The following CLPB variants were observed in gnomAD, a reference collection of about 807,000 sequenced individuals.
CLPB encodes mitochondrial disaggregase.
In CLPB, 40 loss-of-function variants were observed where a neutral mutation model predicts 78.4. That is an observed-to-expected ratio of 0.51 (90% CI 0.40 to 0.66). The LOEUF is 0.66. Among genes scored for constraint, CLPB ranks in the 30% least tolerant of loss-of-function variants. The pLI is 0.00. For missense variants in CLPB, 780 were observed against 886.9 expected, an observed-to-expected ratio of 0.88 and a Z score of 1.53; for synonymous variants, 333 against 348.0, an observed-to-expected ratio of 0.96 and a Z score of 0.48.
rs149561316 is a variant in CLPB at position 72,403,099 on chromosome 11, C to T, written c.456-47G>A. 3.1e-3 allele frequency: 4,805 copies of T among 1,530,060 alleles called. 41 individuals carry two copies. The highest frequency in any genetic ancestry group is 9.6e-3 in the South Asian group (846 of 88,062). The allele number at this position is 1,530,060 out of a possible 1,614,324, so 94.8% of individuals were successfully genotyped here. A position where few individuals can be genotyped will look rare whatever the true frequency, so the allele number is the denominator to read the frequency against. ...TTTTCAGTGTATGGCTTGACATCTG[C>T]ACCTTCTGACAACAGCCTAAAACAA... On this transcript the variant is annotated intron_variant, in intron 2 of 15. Transcript: ENST00000538039.
Position 72,286,221 on chromosome 11 carries a change from C to CTTTTTTTTTTTTTTTTTTTTTTTTTT in CLPB, c.*7145_*7146insAAAAAAAAAAAAAAAAAAAAAAAAAA, listed in dbSNP as rs1565413587. 1.7e-5 allele frequency: 1 copy of CTTTTTTTTTTTTTTTTTTTTTTTTTT among 59,138 alleles called. No individual in the cohort carries two copies. Among genetic ancestry groups the CTTTTTTTTTTTTTTTTTTTTTTTTTT allele is most frequent in the African/African-American group, 7.7e-5 (1 of 12,990 alleles). 3.7% of individuals were successfully genotyped at this position (59,138 alleles called of 1,614,324 possible). ...AGATTACAGGTGTGAGATACTGCAC[C>CTTTTTTTTTTTTTTTTTTTTTTTTTT]TGTTTTTTTTTTTTTTTTTTTTTTT... On this transcript the variant is annotated 3_prime_UTR_variant, in exon 16 of 16. Coordinates refer to ENST00000538039, the MANE Select transcript of CLPB (RefSeq NM_001258392.3).
chr11:72,286,809 G>GTGTGTGTA lies in CLPB; in HGVS notation c.*6557_*6558insTACACACA, dbSNP rs1407545982. 4.0e-5 allele frequency: 5 copies of GTGTGTGTA among 124,148 alleles called. No homozygotes were observed. The highest frequency in any genetic ancestry group is 2.0e-4 in the African/African-American group (5 of 24,424). 7.7% of individuals were successfully genotyped at this position (124,148 alleles called of 1,614,324 possible). ...TTTTGCTTTATCATTCCGTGTGTGT[G>GTGTGTGTA]TGTGTGTGTGTGTGTGTGTGTGTAG... is the stretch of plus-strand genomic sequence containing the variant. On this transcript the variant is annotated 3_prime_UTR_variant, in exon 16 of 16. Transcript: ENST00000538039.
chr11:72,293,420 T>G lies in CLPB; in HGVS notation c.1981A>C (p.Arg661=). The G allele has an allele frequency of 6.2e-7, 1 of 1,614,178 alleles. No individual in the cohort carries two copies. Among genetic ancestry groups the G allele is most frequent in the Non-Finnish European group, 8.5e-7 (1 of 1,180,022 alleles). Residue 661 remains arginine (R), a synonymous_variant, in exon 16 of 16, where the codon AGA becomes CGA. Transcript: ENST00000538039. Reference sequence around the variant, plus strand: ...TGCAGTGGTGCCCGGATGTCCAGTCTGCGAGTCTTGCTGTCCTTGTCGATG... The same window carrying G: ...TGCAGTGGTGCCCGGATGTCCAGTCGGCGAGTCTTGCTGTCCTTGTCGATG... ...EIIDKDSKTR[R]LDIRAPLHPE...
intron 4 of CLPB, among the ~76,000 whole-genome samples, chr11:72,379,748 A>C (rs903263852): frequency 1.3e-5 from 2 of 152,236 alleles, no homozygotes; most frequent in African/African-American, 4.8e-5. Context: ...TTGAGGGGAC[A>C]GTCCCAGAGA....
chr11:72,323,937 T>C (rs1174525950), intron 6 of CLPB, among the ~76,000 whole-genome samples: 1 of 151,940 alleles, frequency 6.6e-6, no homozygotes, highest in Non-Finnish European at 1.5e-5. Flanking sequence ...TCTCAAATCA[T>C]TGAGAAAAAA....
At chr11:72,341,391 G>A (rs569562432) in intron 5 of CLPB, among the ~76,000 whole-genome samples, 3 of 152,148 alleles carry the variant, frequency 2.0e-5, no homozygotes, top group Non-Finnish European at 2.9e-5. Context: ...TTCATGTTAA[G>A]CTCTGTTTTT....
intron 2 of CLPB, among the ~76,000 whole-genome samples, chr11:72,428,279 G>A (rs998248963): frequency 1.2e-4 from 18 of 152,096 alleles, no homozygotes; most frequent in Middle Eastern, 3.2e-3. Flanking sequence ...TTAACAGATC[G>A]GCCCTCAGCC....
intron 2 of CLPB, among the ~76,000 whole-genome samples, chr11:72,408,666 CAA>C (rs576990524): frequency 0.078 from 5,019 of 64,096 alleles, 227 homozygotes; most frequent in African/African-American, 0.19. Context: ...GACTCTGTCT[CAA>C]AAAAAAAAAA....
chr11:72,293,971 C>T, intron 15 of CLPB, 51 bp downstream of exon 15: 1 of 1,510,884 alleles, frequency 6.6e-7, no homozygotes, highest in Non-Finnish European at 9.1e-7. Context: ...TCTGGGGGGC[C>T]CTGGGGAGGG....
chr11:72,329,209 T>G lies in CLPB; in HGVS notation c.873+498A>C, dbSNP rs543208525. On this transcript the variant is annotated intron_variant, in intron 6 of 15. Transcript: ENST00000538039. ...AAACAGAATTAGAATGGAGGGTTTT[T>G]TGGCTCAGATTCTATACTAGGCTTT... is the stretch of plus-strand genomic sequence containing the variant. Among the ~76,000 whole-genome samples the G allele has an allele frequency of 1.2e-4, 18 of 152,316 alleles. 1 individual carries two copies. The South Asian group carries it at 3.5e-3, about 30-fold the overall frequency.
At chr11:72,307,787 G>A (rs1949771246) in intron 8 of CLPB, among the ~76,000 whole-genome samples, 1 of 152,138 alleles carries the variant, frequency 6.6e-6, no homozygotes, top group South Asian at 2.1e-4. Flanking sequence ...GCCATTTGGT[G>A]GATGGTAACC....
At chr11:72,417,614 CAAAAG>C (rs1856061308) in intron 2 of CLPB, among the ~76,000 whole-genome samples, 1 of 151,930 alleles carries the variant, frequency 6.6e-6, no homozygotes, top group South Asian at 2.1e-4. Context: ...AATTATACCT[CAAAAG>C]AAAAAAGAAT....
chr11:72,328,482 G>T (rs1413975198), intron 6 of CLPB, among the ~76,000 whole-genome samples: 1 of 152,130 alleles, frequency 6.6e-6, no homozygotes, highest in African/African-American at 2.4e-5. Context: ...TTTAATGAGG[G>T]GATGTGGTAG....
In CLPB at chr11:72,402,953, G is replaced by T. The variant is rs1431347804; in HGVS notation, c.542+13C>A. The T allele has an allele frequency of 1.2e-6, 2 of 1,611,942 alleles. No homozygotes were observed. The highest frequency in any genetic ancestry group is 1.7e-6 in the Non-Finnish European group (2 of 1,178,230). On this transcript the variant is annotated intron_variant, in intron 3 of 15. Coordinates refer to ENST00000538039, the MANE Select transcript of CLPB (RefSeq NM_001258392.3). ...CTGCCTAAAGGAGCCCTGTGTGGAA[G>T]GTGGTCTCTCACCTGTTGTTTCGGT...
chr11:72,323,139 C>A (rs910954973), intron 6 of CLPB, among the ~76,000 whole-genome samples: 43 of 152,320 alleles, frequency 2.8e-4, no homozygotes, highest in African/African-American at 9.1e-4. Context: ...TAAAGGGCAA[C>A]TTGATACATT....
chr11:72,311,105 TA>T (rs1020675708), intron 7 of CLPB: 8 of 152,136 alleles, frequency 5.3e-5, no homozygotes, highest in Non-Finnish European at 5.9e-5. Flanking sequence ...TGGATATTTC[TA>T]ATAATATCTG....
At chr11:72,424,080 AAACAGAC>A (rs1282268697) in intron 2 of CLPB, among the ~76,000 whole-genome samples, 2 of 152,262 alleles carry the variant, frequency 1.3e-5, no homozygotes, top group African/African-American at 2.4e-5. Flanking sequence ...ATAGCAGCCC[AAACAGAC>A]AAAGACAGTG....
chr11:72,349,166 A>G (rs1950567975), intron 5 of CLPB, among the ~76,000 whole-genome samples: 1 of 152,242 alleles, frequency 6.6e-6, no homozygotes. Flanking sequence ...TAGTCCAATT[A>G]TATTATTTTA....
intron 7 of CLPB, among the ~76,000 whole-genome samples, chr11:72,308,879 C>T (rs1021780897): frequency 6.6e-6 from 1 of 151,678 alleles, no homozygotes; most frequent in East Asian, 1.9e-4. Context: ...AACTGAAAGG[C>T]GGGTGGATGG....
Sources: allele counts gnomAD v4.1 joint callset (sites outside exome capture counted in the v4.1 genomes callset), GRCh38; gene constraint gnomAD v4.1.1; transcripts MANE v1.5; gene names NCBI Gene and HGNC (gene_info 2026-07-23, HGNC 2026-07-21).